TMOD3: variants seen among roughly 807,000 people sequenced by gnomAD.
TMOD3 encodes the protein tropomodulin-3.
A neutral mutation model predicts 39.2 loss-of-function variants in TMOD3; 20 were observed. The ratio of observed to expected loss-of-function variants is 0.51; its 90% CI spans 0.36 to 0.74. TMOD3 has a LOEUF of 0.74. Among genes scored for constraint, TMOD3 ranks in the 30% least tolerant of loss-of-function variants. TMOD3 has a pLI of 0.00. For missense variants in TMOD3, 381 were observed against 412.8 expected (o/e 0.92, Z 0.67); for synonymous variants, 143 against 145.8 (o/e 0.98, Z 0.14).
At chr15:51,848,474 TTG>T (rs1264786503) in intron 1 of TMOD3, among the ~76,000 whole-genome samples, 1 of 152,216 alleles carries the variant, frequency 6.6e-6, no homozygotes, top group African/African-American at 2.4e-5. Context: ...GAAGAGTATT[TTG>T]ATGTTTTGAA....
chr15:51,887,787 T>C, intron 4 of TMOD3, 76 bp downstream of exon 4: 2 of 1,554,830 alleles, frequency 1.3e-6, no homozygotes, highest in Non-Finnish European at 1.7e-6. Flanking sequence ...CTATATACAT[T>C]ATACAAACGT....
rs988746429 is a variant in TMOD3 at position 51,847,175 on chromosome 15, A to G, written c.-74-15636A>G. Among the ~76,000 whole-genome samples the G allele has an allele frequency of 5.9e-5, 9 of 152,336 alleles. No homozygotes were observed. The East Asian group carries it at 1.7e-3, about 29-fold the overall frequency. Reference sequence around the variant, plus strand: ...TTGAAGTGGTATGAATAACCTGTCAAGTATTTTCTTGTAATAATCACAGAA... The same window carrying G: ...TTGAAGTGGTATGAATAACCTGTCAGGTATTTTCTTGTAATAATCACAGAA... On this transcript the variant is annotated intron_variant, in intron 1 of 9. Coordinates refer to ENST00000308580, the MANE Select transcript of TMOD3 (RefSeq NM_014547.5).
intron 1 of TMOD3, chr15:51,859,328 A>G (rs17526760): frequency 0.39 from 277,934 of 718,748 alleles, 55,275 homozygotes; most frequent in Admixed American, 0.47. Context: ...CCTTGATACA[A>G]TCCACCCAAA....
chr15:51,837,895 T>A (rs2056294346), intron 1 of TMOD3, among the ~76,000 whole-genome samples: 1 of 152,170 alleles, frequency 6.6e-6, no homozygotes, highest in Admixed American at 6.5e-5. Flanking sequence ...GTTTCCTCTT[T>A]TCTTCTCCCA....
chr15:51,901,605 G>GTGTGTA (rs1234394875), intron 8 of TMOD3: 1 of 363,892 alleles, frequency 2.7e-6, no homozygotes, highest in African/African-American at 2.1e-5. Context: ...GTGTGTGTGT[G>GTGTGTA]TGTGTGTATA....
intron 1 of TMOD3, chr15:51,860,883 C>T (rs1035137235): frequency 7.7e-6 from 3 of 392,022 alleles, no homozygotes; most frequent in Non-Finnish European, 1.5e-5. Flanking sequence ...TTGCAGTGAG[C>T]CGAGGTCATG....
intron 1 of TMOD3, among the ~76,000 whole-genome samples, chr15:51,831,874 G>A (rs2056257075): frequency 6.6e-6 from 1 of 152,036 alleles, no homozygotes; most frequent in Non-Finnish European, 1.5e-5. Context: ...CAGGCTCCTG[G>A]TGAATATGTA....
At chr15:51,847,370 A>C (rs1313105409) in intron 1 of TMOD3, among the ~76,000 whole-genome samples, 1 of 152,202 alleles carries the variant, frequency 6.6e-6, no homozygotes, top group Non-Finnish European at 1.5e-5. Flanking sequence ...CATTGGTAGC[A>C]ATGGCAGGAA....
intron 2 of TMOD3, 105 bp from the exon 3 acceptor site, chr15:51,869,112 G>A (rs928279727): frequency 4.0e-6 from 5 of 1,260,344 alleles, no homozygotes; most frequent in East Asian, 2.4e-5. Flanking sequence ...TTTAGTGCCT[G>A]TATCACATTC....
At position 51,914,898 on chromosome 15, in the gene TMOD3, A is replaced by G. The variant is rs1455293327; in HGVS notation, c.*6088A>G. The G allele has an allele frequency of 1.3e-5, 2 of 151,588 alleles. No individual in the cohort carries two copies. The highest frequency in any genetic ancestry group is 2.9e-5 in the Non-Finnish European group (2 of 67,952). 9.4% of individuals were successfully genotyped at this position (151,588 alleles called of 1,614,324 possible). Reference sequence around the variant, plus strand: ...AGGTGCCCGCCACCACGCCTGACTAATTTTTGTATTTTCAGTAGAGACGGA... The same window carrying G: ...AGGTGCCCGCCACCACGCCTGACTAGTTTTTGTATTTTCAGTAGAGACGGA... On this transcript the variant is annotated 3_prime_UTR_variant, in exon 10 of 10. Transcript: ENST00000308580.
intron 7 of TMOD3, among the ~76,000 whole-genome samples, chr15:51,898,135 T>C (rs1037867122): frequency 6.6e-6 from 1 of 152,236 alleles, no homozygotes; most frequent in African/African-American, 2.4e-5. Context: ...AGTGGCCTTA[T>C]AAGGCTTCAC....
chr15:51,876,629 T>C (rs1476674091), intron 3 of TMOD3, among the ~76,000 whole-genome samples: 1 of 151,850 alleles, frequency 6.6e-6, no homozygotes, highest in Non-Finnish European at 1.5e-5. Context: ...GCCCGGCTAA[T>C]TTTTTGTATT....
At chr15:51,875,690 A>G (rs995633486) in intron 3 of TMOD3, among the ~76,000 whole-genome samples, 3 of 139,320 alleles carry the variant, frequency 2.2e-5, no homozygotes, top group African/African-American at 5.5e-5. Context: ...ATCTCGGTTC[A>G]CTGCAAGTTC....
chr15:51,853,922 G>T (rs960817195), intron 1 of TMOD3, among the ~76,000 whole-genome samples: 1 of 152,144 alleles, frequency 6.6e-6, no homozygotes, highest in Non-Finnish European at 1.5e-5. Context: ...TGAAGAATAT[G>T]TGAGGTTCAG....
intron 1 of TMOD3, among the ~76,000 whole-genome samples, chr15:51,854,594 T>G (rs1595893682): frequency 1.3e-5 from 2 of 152,196 alleles, no homozygotes; most frequent in South Asian, 2.1e-4. Context: ...ATATAAAGCT[T>G]GAAGAAAATA....
intron 6 of TMOD3, among the ~76,000 whole-genome samples, chr15:51,896,064 C>T (rs1255780217): frequency 3.9e-5 from 6 of 152,058 alleles, no homozygotes; most frequent in Non-Finnish European, 7.4e-5. Context: ...GCTGAGATTG[C>T]GCCGTTGCAC....
intron 2 of TMOD3, among the ~76,000 whole-genome samples, chr15:51,863,446 C>G (rs569598435): frequency 6.6e-6 from 1 of 152,140 alleles, no homozygotes; most frequent in Non-Finnish European, 1.5e-5. Flanking sequence ...AGAGGCTGAC[C>G]GAATTGATTA....
chr15:51,837,071 G>GAT (rs145171773), intron 1 of TMOD3, among the ~76,000 whole-genome samples: 12,224 of 150,348 alleles, frequency 0.081, 1,168 homozygotes, highest in African/African-American at 0.22. Context: ...GGCTGGGTTT[G>GAT]ATATATATAT....
At position 51,862,872 on chromosome 15, in the gene TMOD3, T is replaced by C; in HGVS notation, c.-13T>C. ...GAACAGCAAAAATTAAGTGACTTGCTGCCCTGCACATCATGGCACTGCCAT... is the reference window on the plus strand; with the variant it reads ...GAACAGCAAAAATTAAGTGACTTGCCGCCCTGCACATCATGGCACTGCCAT... On this transcript the variant is annotated 5_prime_UTR_variant, in exon 2 of 10. Coordinates refer to ENST00000308580, the MANE Select transcript of TMOD3 (RefSeq NM_014547.5). 6.2e-7 allele frequency: 1 copy of C among 1,607,860 alleles called. No individual in the cohort carries two copies. Among genetic ancestry groups the C allele is most frequent in the Non-Finnish European group, 8.5e-7 (1 of 1,177,950 alleles).
Sources: allele counts gnomAD v4.1 joint callset (sites outside exome capture counted in the v4.1 genomes callset), GRCh38; gene constraint gnomAD v4.1.1; transcripts MANE v1.5; gene names NCBI Gene and HGNC (gene_info 2026-07-23, HGNC 2026-07-21).